The following ROBO2 variants were observed in gnomAD, a reference collection of about 807,000 sequenced individuals.
ROBO2 encodes the protein roundabout homolog 2.
Under a neutral mutation model 160.8 loss-of-function variants are expected in ROBO2, and 53 were observed. The ratio of observed to expected loss-of-function variants is 0.33; its 90% CI spans 0.26 to 0.41. The LOEUF (loss-of-function observed/expected upper bound fraction) is 0.41. ROBO2 is among the 10% of genes least tolerant of loss of function. ROBO2 has a pLI of 1.00. For synonymous variants in ROBO2, 664 were observed against 611.7 expected, an observed-to-expected ratio of 1.09 and a Z score of -1.26; for missense variants, 1,577 against 1,722.4, an observed-to-expected ratio of 0.92 and a Z score of 1.49.
At position 77,295,468 on chromosome 3, in the gene ROBO2, G is replaced by A. The variant is rs569305545; in HGVS notation, c.389-181946G>A. On this transcript the variant is annotated intron_variant, in intron 2 of 25. Transcript: ENST00000461745. ...AGTAAAGACATAAAGTAAAATTGACGGTTAAATGGGTAAGCTGAGGCTAGA... is the reference window on the plus strand; with the variant it reads ...AGTAAAGACATAAAGTAAAATTGACAGTTAAATGGGTAAGCTGAGGCTAGA... 8.6e-5 allele frequency among the ~76,000 whole-genome samples: 13 copies of A among 150,354 alleles called. No individual in the cohort carries two copies. The East Asian group carries it at 2.0e-3, about 23-fold the overall frequency.
At chr3:76,144,930 G>A (rs554322611) in intron 2 of ROBO2, among the ~76,000 whole-genome samples, 1 of 151,882 alleles carries the variant, frequency 6.6e-6, no homozygotes, top group Admixed American at 6.6e-5. Flanking sequence ...TAATTTTAGT[G>A]CATTTTGACT....
At chr3:76,633,646 C>A (rs2090154987) in intron 2 of ROBO2, among the ~76,000 whole-genome samples, 2 of 152,204 alleles carry the variant, frequency 1.3e-5, no homozygotes, top group Admixed American at 1.3e-4. Context: ...GTTTCCCAAG[C>A]ACTTTCTTCC....
chr3:75,977,432 C>T (rs2065161565), intron 2 of ROBO2, among the ~76,000 whole-genome samples: 1 of 151,504 alleles, frequency 6.6e-6, no homozygotes, highest in Admixed American at 6.6e-5. Context: ...AGTTGCATCT[C>T]CATATTTGGT....
At chr3:76,692,515 G>T (rs2092824658) in intron 2 of ROBO2, among the ~76,000 whole-genome samples, 1 of 152,026 alleles carries the variant, frequency 6.6e-6, no homozygotes, top group African/African-American at 2.4e-5. Flanking sequence ...ACCATTTCTA[G>T]CATTTGAGGC....
chr3:77,401,338 A>T (rs1581658892), intron 2 of ROBO2, among the ~76,000 whole-genome samples: 1 of 151,680 alleles, frequency 6.6e-6, no homozygotes, highest in Non-Finnish European at 1.5e-5. Flanking sequence ...TCTAGAATTC[A>T]TGCAGTGTTG....
intron 2 of ROBO2, among the ~76,000 whole-genome samples, chr3:77,370,764 C>CAAAT (rs5850327): frequency 0.82 from 124,572 of 151,922 alleles, 51,335 homozygotes; most frequent in East Asian, 1. Context: ...TCAGTGTCCA[C>CAAAT]AAAGTTTTAT....
chr3:76,390,608 A>C (rs2108638616), intron 2 of ROBO2, among the ~76,000 whole-genome samples: 1 of 152,306 alleles, frequency 6.6e-6, no homozygotes, highest in South Asian at 2.1e-4. Flanking sequence ...TTGGACCTGT[A>C]CACTTAAATT....
At chr3:77,487,554 TC>T (rs531871073) in intron 4 of ROBO2, among the ~76,000 whole-genome samples, 9 of 152,278 alleles carry the variant, frequency 5.9e-5, no homozygotes, top group Admixed American at 5.9e-4. Context: ...TATCATTCAG[TC>T]TTTTTCTGGA....
At chr3:77,556,627 T>A (rs1401396162) in intron 8 of ROBO2, among the ~76,000 whole-genome samples, 1 of 151,874 alleles carries the variant, frequency 6.6e-6, no homozygotes. Flanking sequence ...AAGCTGCCAT[T>A]TATAAAAGCT....
exon 2 of ROBO2, chr3:77,098,020 G>A (rs2150073542): frequency 6.4e-7 from 1 of 1,565,074 alleles, no homozygotes; most frequent in African/African-American, 1.4e-5. Context: ...GTAGGATCGC[G>A]TCTTCGCCAG....
chr3:76,200,568 A>G (rs908912782), intron 2 of ROBO2, among the ~76,000 whole-genome samples: 4 of 152,132 alleles, frequency 2.6e-5, no homozygotes, highest in Non-Finnish European at 4.4e-5. Flanking sequence ...TACGTCCAGT[A>G]TAGGGGGCAA....
At chr3:77,036,248 G>T (rs1025958749), upstream of ROBO2, among the ~76,000 whole-genome samples, 1 of 151,914 alleles carries the variant, frequency 6.6e-6, no homozygotes, top group Admixed American at 6.6e-5. Flanking sequence ...ACAATATGAT[G>T]AATTTTTAAA....
rs113267472 is a variant in ROBO2, at chr3:77,079,227, G to A, written c.62-18787G>A. Among the ~76,000 whole-genome samples, 1,434 of 152,178 alleles carry A rather than the reference G, an allele frequency of 9.4e-3. 11 individuals are homozygous for A. Among genetic ancestry groups the A allele is most frequent in the African/African-American group, 0.03 (1,231 of 41,510 alleles). Reference sequence around the variant, plus strand: ...CTCCCAAAGTGCTGGGATTACACGCGTGAGCCACCGCACCCAGCTGCTATA... The same window carrying A: ...CTCCCAAAGTGCTGGGATTACACGCATGAGCCACCGCACCCAGCTGCTATA... On this transcript the variant is annotated intron_variant, in intron 1 of 25. Transcript: ENST00000461745.
At chr3:77,433,107 A>G (rs184415697) in intron 2 of ROBO2, among the ~76,000 whole-genome samples, 231 of 152,186 alleles carry the variant, frequency 1.5e-3, no homozygotes, top group Non-Finnish European at 2.1e-3. Context: ...CACTGTCCCC[A>G]TAACTAGTCT....
chr3:76,360,077 A>G (rs1165260430), intron 2 of ROBO2, among the ~76,000 whole-genome samples: 1 of 152,076 alleles, frequency 6.6e-6, no homozygotes, highest in Admixed American at 6.6e-5. Context: ...AGTTGCATGT[A>G]TATAATTGGG....
intron 2 of ROBO2, among the ~76,000 whole-genome samples, chr3:76,308,775 T>A (rs2071438109): frequency 6.6e-6 from 1 of 152,220 alleles, no homozygotes; most frequent in South Asian, 2.1e-4. Context: ...AACAGTGATT[T>A]TGTTCTTCCA....
intron 2 of ROBO2, among the ~76,000 whole-genome samples, chr3:76,058,763 G>A (rs576425706): frequency 0.018 from 2,602 of 145,580 alleles, 97 homozygotes; most frequent in African/African-American, 0.065. Context: ...CTCGTTGTTT[G>A]GCATTAGGTA....
intron 5 of ROBO2, among the ~76,000 whole-genome samples, chr3:77,499,249 C>T (rs2087202969): frequency 6.6e-6 from 1 of 152,214 alleles, no homozygotes; most frequent in Non-Finnish European, 1.5e-5. Context: ...CTACTGCAAA[C>T]TAGGAATGTG....
intron 2 of ROBO2, among the ~76,000 whole-genome samples, chr3:76,218,903 C>T (rs1281416420): frequency 6.6e-6 from 1 of 152,182 alleles, no homozygotes; most frequent in Non-Finnish European, 1.5e-5. Context: ...CACTACCTGA[C>T]TTCAAACTAT....
Sources: gnomAD v4.1 joint callset for allele counts (sites outside exome capture counted in the v4.1 genomes callset) on GRCh38, gnomAD v4.1.1 for gene constraint, MANE v1.5 for transcripts, NCBI Gene and HGNC (gene_info 2026-07-23, HGNC 2026-07-21) for gene names.